The following SV2B variants were observed in gnomAD, a reference collection of about 807,000 sequenced individuals.
SV2B encodes solute carrier family 22 member B2.
A neutral mutation model predicts 73.9 loss-of-function variants in SV2B; 41 were observed. The ratio of observed to expected loss-of-function variants is 0.56; its 90% CI spans 0.43 to 0.72. The LOEUF (loss-of-function observed/expected upper bound fraction) is 0.72. SV2B is among the 30% of genes least tolerant of loss of function. The probability of loss-of-function intolerance (pLI) is 0.00; values close to 1 mark genes in which losing one functional copy is unlikely to be tolerated. For missense variants in SV2B, 764 were observed against 857.8 expected, an observed-to-expected ratio of 0.89 and a Z score of 1.37; for synonymous variants, 314 against 314.2, an observed-to-expected ratio of 1.00 and a Z score of 0.01.
At chr15:91,146,950 A>G (rs2043163910) in intron 1 of SV2B, among the ~76,000 whole-genome samples, 1 of 152,182 alleles carries the variant, frequency 6.6e-6, no homozygotes, top group South Asian at 2.1e-4. Context: ...TTTGATCAAG[A>G]GTGACTCATG....
At chr15:91,101,484 G>C (rs538366153) in intron 1 of SV2B, among the ~76,000 whole-genome samples, 10 of 152,278 alleles carry the variant, frequency 6.6e-5, no homozygotes, top group Admixed American at 1.3e-4. Flanking sequence ...CAGAGATGAT[G>C]ATAACAATGT....
intron 1 of SV2B, among the ~76,000 whole-genome samples, chr15:91,108,995 A>G (rs1337665413): frequency 6.6e-6 from 1 of 152,158 alleles, no homozygotes; most frequent in Non-Finnish European, 1.5e-5. Context: ...TTGGCAGGGG[A>G]GAGAGTAGCA....
chr15:91,109,385 CA>C (rs1384946275), intron 1 of SV2B, among the ~76,000 whole-genome samples: 6 of 152,216 alleles, frequency 3.9e-5, no homozygotes, highest in Non-Finnish European at 8.8e-5. Flanking sequence ...ATGTCAACCC[CA>C]GGTGATATGT....
At position 91,265,583 on chromosome 15, in the gene SV2B, C is replaced by T. The variant is rs1247024069; in HGVS notation, c.1009-999C>T. Among the ~76,000 whole-genome samples the T allele has an allele frequency of 6.6e-6, 1 of 152,196 alleles. No individual in the cohort carries two copies. Among genetic ancestry groups the T allele is most frequent in the Non-Finnish European group, 1.5e-5 (1 of 68,042 alleles). On this transcript the variant is annotated intron_variant, in intron 6 of 12. Coordinates refer to ENST00000394232, the MANE Select transcript of SV2B (RefSeq NM_001323032.3). The surrounding 1 kb of genome is among the most constrained non-coding windows in gnomAD (Gnocchi z 4.2). ...TGATGTTAACTTCCCCTGTAGCCTCCTTTATCTGTAGCTGGGGGTCATAAC... is the reference window on the plus strand; with the variant it reads ...TGATGTTAACTTCCCCTGTAGCCTCTTTTATCTGTAGCTGGGGGTCATAAC...
rs1431625250 is a variant in SV2B at position 91,197,835 on chromosome 15, A to G, written c.-391-28038A>G. On this transcript the variant is annotated intron_variant, in intron 1 of 12. Transcript: ENST00000394232. The surrounding 1 kb of genome is among the most constrained non-coding windows in gnomAD (Gnocchi z 4.9). ...GATCACCTGAGGTCAGGAGTTCCAG[A>G]TCAGCTTGGCCAACATGGTGAAAAC... Among the ~76,000 whole-genome samples, 2 of 152,084 alleles carry G rather than the reference A, an allele frequency of 1.3e-5. No individual in the cohort carries two copies. The highest frequency in any genetic ancestry group is 2.9e-5 in the Non-Finnish European group (2 of 68,016).
intron 1 of SV2B, among the ~76,000 whole-genome samples, chr15:91,193,171 G>A (rs1476078): frequency 0.18 from 27,344 of 152,088 alleles, 4,234 homozygotes; most frequent in African/African-American, 0.42. Flanking sequence ...CAGGAGAGGT[G>A]AGCCTGAGAT....
intron 2 of SV2B, among the ~76,000 whole-genome samples, chr15:91,246,819 T>A (rs1376498604): frequency 6.6e-6 from 1 of 152,058 alleles, no homozygotes; most frequent in Non-Finnish European, 1.5e-5. Context: ...AATCTCAGTA[T>A]ATTAAGGGAT....
rs187397906 is a variant in SV2B at position 91,216,768 on chromosome 15, T to A, written c.-391-9105T>A. On this transcript the variant is annotated intron_variant, in intron 1 of 12. Coordinates refer to ENST00000394232, the MANE Select transcript of SV2B (RefSeq NM_001323032.3). ...ACTGTACCTGGCAATTTAACTTGTA[T>A]TTTTTTTTTTTTAACAAAAGTAAAG... is the stretch of plus-strand genomic sequence containing the variant. Among the ~76,000 whole-genome samples, 32 of 87,096 alleles carry A rather than the reference T, an allele frequency of 3.7e-4. No homozygotes were observed. The East Asian group carries it at 6.7e-3, about 18-fold the overall frequency. The allele number at this position is 87,096 out of a possible 152,430, so 57.1% of individuals were successfully genotyped here. A position where few individuals can be genotyped will look rare whatever the true frequency, so the allele number is the denominator to read the frequency against.
In SV2B at chr15:91,132,204, C is replaced by T. The variant is rs936292174; in HGVS notation, c.-392+31841C>T. ...CGGCTCAAGAGCCCAGCTACAGAAT[C>T]GTCTCGGGTCCAAATACCCTCTAGA... On this transcript the variant is annotated intron_variant, in intron 1 of 12. Coordinates refer to ENST00000394232, the MANE Select transcript of SV2B (RefSeq NM_001323032.3). This position sits in a 1 kb window ranked among gnomAD's most constrained non-coding sequence, Gnocchi z 4.6. Among the ~76,000 whole-genome samples the T allele has an allele frequency of 6.6e-6, 1 of 152,242 alleles. No individual in the cohort carries two copies. Among genetic ancestry groups the T allele is most frequent in the Non-Finnish European group, 1.5e-5 (1 of 68,044 alleles).
rs1364537053 is a variant in SV2B at position 91,130,717 on chromosome 15, C to G, written c.-392+30354C>G. ...TGGAGGTGAGAAGAAGAGCTGCAGT[C>G]CTGGGGGCAAAGAGGGGAGTGTGTG... On this transcript the variant is annotated intron_variant, in intron 1 of 12. Coordinates refer to ENST00000394232, the MANE Select transcript of SV2B (RefSeq NM_001323032.3). This position sits in a 1 kb window ranked among gnomAD's most constrained non-coding sequence, Gnocchi z 5.6. Among the ~76,000 whole-genome samples, 2 of 152,016 alleles carry G rather than the reference C, an allele frequency of 1.3e-5. No individual in the cohort carries two copies. The highest frequency in any genetic ancestry group is 6.6e-5 in the Admixed American group (1 of 15,260).
At chr15:91,251,788 C>T (rs752269407) in intron 2 of SV2B, 31 bp from the exon 3 acceptor site, 48 of 1,603,614 alleles carry the variant, frequency 3.0e-5, no homozygotes, top group Non-Finnish European at 4.0e-5. Flanking sequence ...TCTTTTCTCT[C>T]TATTCTCTCC....
intron 1 of SV2B, among the ~76,000 whole-genome samples, chr15:91,184,326 T>C (rs1357481307): frequency 1.3e-5 from 2 of 152,208 alleles, no homozygotes; most frequent in East Asian, 3.9e-4. Context: ...TTCCGACCTC[T>C]ATTTACCAGA....
chr15:91,260,735 G>C (rs1172341667), intron 6 of SV2B, among the ~76,000 whole-genome samples: 1 of 152,140 alleles, frequency 6.6e-6, no homozygotes, highest in Non-Finnish European at 1.5e-5. Context: ...AGTTTAATTG[G>C]ACTTACAGTT....
In SV2B at chr15:91,263,149, C is replaced by T. The variant is rs112973502; in HGVS notation, c.1008+2740C>T. 4.2e-4 allele frequency among the ~76,000 whole-genome samples: 64 copies of T among 151,688 alleles called. No individual in the cohort carries two copies. The East Asian group carries it at 9.9e-3, about 23-fold the overall frequency. ...AGAGACACACAGACACAGGGACACACGGACACACATGAACACAGACACACA... is the reference window on the plus strand; with the variant it reads ...AGAGACACACAGACACAGGGACACATGGACACACATGAACACAGACACACA... On this transcript the variant is annotated intron_variant, in intron 6 of 12. Transcript: ENST00000394232.
At chr15:91,215,349 C>T (rs1013466278) in intron 1 of SV2B, among the ~76,000 whole-genome samples, 3 of 152,148 alleles carry the variant, frequency 2.0e-5, no homozygotes, top group Non-Finnish European at 4.4e-5. Context: ...AAGTGGATTT[C>T]CCTCCTCCTT....
At position 91,242,422 on chromosome 15, in the gene SV2B, G is replaced by A. The variant is rs537563067; in HGVS notation, c.452-9397G>A. Reference sequence around the variant, plus strand: ...TCCTCTACCTACCAACCTGGCCCAAGTCATCAGCGTCATTCACTTGAAATA... The same window carrying A: ...TCCTCTACCTACCAACCTGGCCCAAATCATCAGCGTCATTCACTTGAAATA... On this transcript the variant is annotated intron_variant, in intron 2 of 12. Coordinates refer to ENST00000394232, the MANE Select transcript of SV2B (RefSeq NM_001323032.3). The surrounding 1 kb of genome is among the most constrained non-coding windows in gnomAD (Gnocchi z 4.9). Among the ~76,000 whole-genome samples the A allele has an allele frequency of 1.3e-5, 2 of 152,272 alleles. No individual in the cohort carries two copies. The highest frequency in any genetic ancestry group is 1.9e-4 in the East Asian group (1 of 5,184).
chr15:91,177,685 T>C (rs1261791404), intron 1 of SV2B, among the ~76,000 whole-genome samples: 1 of 119,870 alleles, frequency 8.3e-6, no homozygotes, highest in Non-Finnish European at 1.8e-5. Flanking sequence ...ATGATTTGGC[T>C]CTCTGTTTGT....
intron 1 of SV2B, among the ~76,000 whole-genome samples, chr15:91,206,955 G>T (rs2141407400): frequency 6.6e-6 from 1 of 152,236 alleles, no homozygotes; most frequent in East Asian, 1.9e-4. Context: ...TTCCAGAGAG[G>T]CTTGAGAGAG....
At chr15:91,189,525 T>C (rs1413906402) in intron 1 of SV2B, among the ~76,000 whole-genome samples, 1 of 152,190 alleles carries the variant, frequency 6.6e-6, no homozygotes, top group East Asian at 1.9e-4. Context: ...AAAATGTCAG[T>C]TTTCTCCAAA....
Sources: gnomAD v4.1 joint callset for allele counts (sites outside exome capture counted in the v4.1 genomes callset) on GRCh38, gnomAD v4.1.1 for gene constraint, Gnocchi (gnomAD v3.1) non-coding constraint, MANE v1.5 for transcripts, NCBI Gene and HGNC (gene_info 2026-07-23, HGNC 2026-07-21) for gene names.